Variants in LRRC66 observed in about 807,000 individuals in gnomAD.
LRRC66 encodes leucine-rich repeat-containing protein 66.
Under a neutral mutation model 24.6 loss-of-function variants are expected in LRRC66, and 29 were observed. The ratio of observed to expected loss-of-function variants is 1.18; its 90% CI spans 0.88 to 1.61. The LOEUF is 1.61. LRRC66 is among the 40% of genes most tolerant of loss of function. The pLI, the probability that LRRC66 is intolerant of heterozygous loss-of-function variation, is 0.00. For synonymous variants in LRRC66, 411 were observed against 397.6 expected (o/e 1.03, Z -0.40); for missense variants, 1,124 against 1,058.0 (o/e 1.06, Z -0.87).
At chr4:52,015,243 T>C (rs1027700642) in intron 2 of LRRC66, among the ~76,000 whole-genome samples, 2 of 152,170 alleles carry the variant, frequency 1.3e-5, no homozygotes, top group Non-Finnish European at 2.9e-5. Context: ...AGGCAGAAAG[T>C]AGCTGAGTCT....
rs1345525978 is a variant in LRRC66 at position 51,995,946 on chromosome 4, G to A, written c.1076C>T (p.Thr359Ile). Residue 359 changes from threonine (T) to isoleucine (I), a missense_variant, in exon 5 of 5, where the codon ACC becomes ATC. Coordinates refer to ENST00000682860, the MANE Select transcript of LRRC66 (RefSeq NM_001024611.3). The part of the protein sequence containing the change: ...QRRLPRSVRS[T>I]RDVQAAGKKE... ...TTTGCCGGCAGCCTGCACATCGCGG[G>A]TGCTTCTAACACTCCTTGGCAGCCG... The A allele has an allele frequency of 6.2e-7, 1 of 1,613,904 alleles. No individual in the cohort carries two copies. The highest frequency in any genetic ancestry group is 8.5e-7 in the Non-Finnish European group (1 of 1,179,998).
At chr4:52,017,732 G>T in intron 1 of LRRC66, 114 bp from the exon 2 acceptor site, 1 of 1,370,834 alleles carries the variant, frequency 7.3e-7, no homozygotes. Flanking sequence ...TGTCTTGGTT[G>T]CCAATTTAAG....
chr4:51,995,776 G>A lies in LRRC66; in HGVS notation c.1246C>T (p.Leu416=), dbSNP rs1736294563. 1 of 1,614,018 alleles carries A rather than the reference G, an allele frequency of 6.2e-7. No homozygotes were observed. The highest frequency in any genetic ancestry group is 1.3e-5 in the African/African-American group (1 of 74,908). The change falls in exon 5 of 5, where the codon CTG becomes TTG. Residue 416 remains leucine (L), a synonymous_variant. Transcript: ENST00000682860. ...CCCTCGTTTGAATACGCGTTGTCCA[G>A]GCCAGGGCTTTTGCTCTGGCACTTT... ...QKKCQSKSPG[L]DNAYSNEGFY...
chr4:52,011,988 C>T (rs955340180), intron 2 of LRRC66, among the ~76,000 whole-genome samples: 2 of 152,078 alleles, frequency 1.3e-5, no homozygotes, highest in African/African-American at 4.8e-5. Flanking sequence ...AGTTCAAAAC[C>T]AGCCTGGCCA....
intron 1 of LRRC66, chr4:52,018,517 A>G (rs1736868991): frequency 3.0e-6 from 3 of 985,290 alleles, no homozygotes; most frequent in Non-Finnish European, 3.6e-6. Context: ...CACTCAGTTT[A>G]GTTTTCATCA....
Position 51,994,264 on chromosome 4 carries a change from T to C in LRRC66, c.*115A>G. 1 of 1,003,126 alleles carries C rather than the reference T, an allele frequency of 1.0e-6. No individual in the cohort carries two copies. The highest frequency in any genetic ancestry group is 1.8e-5 in the South Asian group (1 of 57,112). 62.1% of individuals were successfully genotyped at this position (1,003,126 alleles called of 1,614,324 possible). A position where few individuals can be genotyped will look rare whatever the true frequency, so the allele number is the denominator to read the frequency against. ...CTCATTTGCATCAGTGTCCACTTGG[T>C]TGGAATTCATGTTGTCTCCTTCAGG... On this transcript the variant is annotated 3_prime_UTR_variant, in exon 5 of 5. Transcript: ENST00000682860.
chr4:52,000,617 C>T (rs906674642), intron 3 of LRRC66, among the ~76,000 whole-genome samples: 4 of 152,220 alleles, frequency 2.6e-5, no homozygotes, highest in Non-Finnish European at 5.9e-5. Flanking sequence ...GGCTCTGAAG[C>T]AAGCTGACAT....
In LRRC66 at chr4:51,994,743, T is replaced by A. The variant is rs1459382936; in HGVS notation, c.2279A>T (p.Gln760Leu). Residue 760 changes from glutamine (Q) to leucine (L), a missense_variant, in exon 5 of 5, where the codon CAA (glutamine) becomes CTA (leucine). Physicochemically the swap from Gln to Leu is moderately radical, Grantham distance 113. Coordinates refer to ENST00000682860, the MANE Select transcript of LRRC66 (RefSeq NM_001024611.3). ...ATTCTTGCATTTCCCTGGAATTGTTTGGAAGGTAACATTTTCCTCAAGACT... is the reference window on the plus strand; with the variant it reads ...ATTCTTGCATTTCCCTGGAATTGTTAGGAAGGTAACATTTTCCTCAAGACT... Reference protein sequence around the residue: ...VDSLEENVTFQTIPGKCKNQE... With the variant: ...VDSLEENVTFLTIPGKCKNQE... The A allele has an allele frequency of 6.2e-7, 1 of 1,614,102 alleles. No individual in the cohort carries two copies. Among genetic ancestry groups the A allele is most frequent in the African/African-American group, 1.3e-5 (1 of 74,940 alleles).
chr4:51,997,998 A>G, intron 3 of LRRC66, 61 bp from the exon 4 acceptor site: 1 of 1,425,602 alleles, frequency 7.0e-7, no homozygotes, highest in Non-Finnish European at 9.7e-7. Context: ...AGATAAAATA[A>G]ATGAGTTACA....
In LRRC66 at chr4:51,994,749, G is replaced by A; in HGVS notation, c.2273C>T (p.Thr758Ile). ...GCATTTCCCTGGAATTGTTTGGAAG[G>A]TAACATTTTCCTCAAGACTGTCTAC... ...TAVDSLEENV[T>I]FQTIPGKCKN... Residue 758 changes from threonine to isoleucine, a missense_variant, in exon 5 of 5, where the codon ACC (threonine) becomes ATC (isoleucine). Thr to Ile is a moderately conservative substitution (Grantham distance 89). Coordinates refer to ENST00000682860, the MANE Select transcript of LRRC66 (RefSeq NM_001024611.3). The A allele has an allele frequency of 1.9e-6, 3 of 1,614,208 alleles. No homozygotes were observed. The highest frequency in any genetic ancestry group is 2.5e-6 in the Non-Finnish European group (3 of 1,180,032).
At chr4:52,008,177 C>T (rs763378654) in intron 2 of LRRC66, among the ~76,000 whole-genome samples, 6 of 152,094 alleles carry the variant, frequency 3.9e-5, no homozygotes, top group Non-Finnish European at 8.8e-5. Flanking sequence ...CTCTGGTCTG[C>T]AGAAAATCCA....
At position 51,996,198 on chromosome 4, in the gene LRRC66, C is replaced by A. The variant is rs766269018; in HGVS notation, c.857-33G>T. On this transcript the variant is annotated intron_variant, in intron 4 of 4. Coordinates refer to ENST00000682860, the MANE Select transcript of LRRC66 (RefSeq NM_001024611.3). ...TGGGATTAAAAAAATACACATTGAG[C>A]GAACATTGAAATAAGATTTCAGGGG... 19 of 1,504,478 alleles carry A rather than the reference C, an allele frequency of 1.3e-5. No individual in the cohort carries two copies. In the South Asian group the frequency reaches 1.6e-4, roughly 12 times the overall value. The allele number at this position is 1,504,478 out of a possible 1,614,324, so 93.2% of individuals were successfully genotyped here.
chr4:52,007,757 G>A (rs894139832), intron 2 of LRRC66, among the ~76,000 whole-genome samples: 1 of 152,182 alleles, frequency 6.6e-6, no homozygotes, highest in African/African-American at 2.4e-5. Context: ...GGCAGCAGAG[G>A]TGTTGTGAGC....
chr4:52,001,992 C>T (rs1367616323), intron 3 of LRRC66, among the ~76,000 whole-genome samples: 1 of 152,186 alleles, frequency 6.6e-6, no homozygotes, highest in East Asian at 1.9e-4. Flanking sequence ...AGGTACCAGG[C>T]ATATGCTAAG....
chr4:52,018,387 G>C, intron 1 of LRRC66: 2 of 983,816 alleles, frequency 2.0e-6, no homozygotes, highest in Non-Finnish European at 2.4e-6. Flanking sequence ...TTTAAAAATG[G>C]GTAATTTTTG....
At chr4:51,996,221 G>A (rs1463575866) in intron 4 of LRRC66, 56 bp from the exon 5 acceptor site, 1 of 1,453,026 alleles carries the variant, frequency 6.9e-7, no homozygotes, top group African/African-American at 1.4e-5. Context: ...AAGATTTCAG[G>A]GGTTTTTCTC....
At chr4:51,998,853 A>G (rs1736382846) in intron 3 of LRRC66, among the ~76,000 whole-genome samples, 1 of 152,158 alleles carries the variant, frequency 6.6e-6, no homozygotes, top group Admixed American at 6.5e-5. Flanking sequence ...TGATCTCAAC[A>G]ATTTCCTCAT....
At chr4:52,020,223 GC>G (rs1425555893) in intron 1 of LRRC66, among the ~76,000 whole-genome samples, 80 bp downstream of exon 1, 1 of 152,160 alleles carries the variant, frequency 6.6e-6, no homozygotes, top group Non-Finnish European at 1.5e-5. Flanking sequence ...AGAAAGGGTG[GC>G]AAAACTGAAG....
At chr4:52,013,756 C>T (rs1736750111) in intron 2 of LRRC66, among the ~76,000 whole-genome samples, 2 of 152,152 alleles carry the variant, frequency 1.3e-5, no homozygotes, top group Admixed American at 6.5e-5. Context: ...TGAGTGAAAG[C>T]AACTTTTCAT....
Sources: gnomAD v4.1 joint callset for allele counts (sites outside exome capture counted in the v4.1 genomes callset) on GRCh38, gnomAD v4.1.1 for gene constraint, MANE v1.5 for transcripts, NCBI Gene and HGNC (gene_info 2026-07-23, HGNC 2026-07-21) for gene names.